Variants in NR2F1-AS1 observed in about 807,000 individuals in gnomAD.
NR2F1-AS1 encodes the protein NR2F1 regulatory antisense RNA 1.
intron 4 of NR2F1-AS1, among the ~76,000 whole-genome samples, chr5:93,412,038 T>C (rs764485262): frequency 2.6e-5 from 4 of 152,138 alleles, no homozygotes; most frequent in Non-Finnish European, 4.4e-5. Flanking sequence ...CATGAAAACT[T>C]CAAACATCAG....
At chr5:93,532,341 T>G (rs1751752477) in intron 4 of NR2F1-AS1, among the ~76,000 whole-genome samples, 1 of 152,192 alleles carries the variant, frequency 6.6e-6, no homozygotes, top group South Asian at 2.1e-4. Context: ...TTGCTTCTTT[T>G]GTACACTTAG....
intron 3 of NR2F1-AS1, among the ~76,000 whole-genome samples, chr5:93,554,518 G>A (rs1271950059): frequency 6.6e-6 from 1 of 152,008 alleles, no homozygotes; most frequent in Non-Finnish European, 1.5e-5. Context: ...AAATATTACT[G>A]GAAGACATTG....
At chr5:93,513,846 T>G (rs1184999123) in intron 4 of NR2F1-AS1, among the ~76,000 whole-genome samples, 1 of 152,092 alleles carries the variant, frequency 6.6e-6, no homozygotes, top group Non-Finnish European at 1.5e-5. Flanking sequence ...TGGAATTAAT[T>G]AGCTTCCCAA....
At chr5:93,534,645 A>G (rs1377386215) in intron 4 of NR2F1-AS1, among the ~76,000 whole-genome samples, 10 of 152,190 alleles carry the variant, frequency 6.6e-5, no homozygotes, top group Admixed American at 6.5e-4. Flanking sequence ...TAATGAGAAA[A>G]AAGAGGTAGG....
intron 4 of NR2F1-AS1, among the ~76,000 whole-genome samples, chr5:93,455,643 A>G (rs1437202767): frequency 6.6e-6 from 1 of 152,156 alleles, no homozygotes; most frequent in Non-Finnish European, 1.5e-5. Context: ...ATTAGAAGAA[A>G]GTTGGAGAGT....
At chr5:93,417,278 A>C (rs1368284290) in intron 4 of NR2F1-AS1, among the ~76,000 whole-genome samples, 1 of 152,218 alleles carries the variant, frequency 6.6e-6, no homozygotes, top group East Asian at 1.9e-4. Flanking sequence ...AAATTTAGTG[A>C]GGTCCATGTT....
At chr5:93,567,996 T>C (rs1162400681) in intron 1 of NR2F1-AS1, among the ~76,000 whole-genome samples, 1 of 152,214 alleles carries the variant, frequency 6.6e-6, no homozygotes, top group African/African-American at 2.4e-5. Context: ...AGAAACTAAG[T>C]GTAAATTTAC....
rs1174747297 is a variant in NR2F1-AS1, at chr5:93,484,670, A to C, written n.638+69091T>G. Among the ~76,000 whole-genome samples, 5 of 152,004 alleles carry C rather than the reference A, an allele frequency of 3.3e-5. No individual in the cohort carries two copies. In the East Asian group the frequency reaches 9.7e-4, roughly 29 times the overall value. Reference sequence around the variant, plus strand: ...ACACAGACTGGCAAATTGGATAAAGAGTCAAGACCCATCAATGTGCTGTAT... The same window carrying C: ...ACACAGACTGGCAAATTGGATAAAGCGTCAAGACCCATCAATGTGCTGTAT... On this transcript the variant is annotated intron_variant and non_coding_transcript_variant, in intron 4 of 5. Coordinates refer to ENST00000660523, the Ensembl canonical transcript of NR2F1-AS1.
At chr5:93,459,415 T>G (rs1462839357) in intron 4 of NR2F1-AS1, among the ~76,000 whole-genome samples, 3 of 152,062 alleles carry the variant, frequency 2.0e-5, no homozygotes, top group African/African-American at 7.2e-5. Flanking sequence ...AGACTACAAT[T>G]AAAATATTAA....
At chr5:93,562,726 G>A (rs923297623) in intron 2 of NR2F1-AS1, among the ~76,000 whole-genome samples, 7 of 152,054 alleles carry the variant, frequency 4.6e-5, no homozygotes, top group East Asian at 3.8e-4. Flanking sequence ...AATATAATCC[G>A]TTAAATTATT....
intron 4 of NR2F1-AS1, among the ~76,000 whole-genome samples, chr5:93,463,462 G>T (rs1297740097): frequency 6.6e-6 from 1 of 152,214 alleles, no homozygotes; most frequent in Non-Finnish European, 1.5e-5. Context: ...GGAAATGTGG[G>T]GTTGAAGCCC....
chr5:93,506,697 T>C (rs1751192227), intron 4 of NR2F1-AS1, among the ~76,000 whole-genome samples: 1 of 152,142 alleles, frequency 6.6e-6, no homozygotes, highest in East Asian at 1.9e-4. Context: ...ATCATGATAA[T>C]AGCATGGGAA....
intron 4 of NR2F1-AS1, among the ~76,000 whole-genome samples, chr5:93,514,728 T>G (rs1237596837): frequency 6.6e-6 from 1 of 152,044 alleles, no homozygotes; most frequent in African/African-American, 2.4e-5. Context: ...TAATTAGGAA[T>G]CAAAAAGGCT....
intron 4 of NR2F1-AS1, among the ~76,000 whole-genome samples, chr5:93,535,371 G>A (rs1481493627): frequency 6.6e-6 from 1 of 151,412 alleles, no homozygotes; most frequent in Non-Finnish European, 1.5e-5. Context: ...AAATTTAAAA[G>A]GGAAAATTAA....
At chr5:93,434,027 CT>C in intron 4 of NR2F1-AS1, among the ~76,000 whole-genome samples, 1 of 152,012 alleles carries the variant, frequency 6.6e-6, no homozygotes, top group Non-Finnish European at 1.5e-5. Context: ...CCCATATGCT[CT>C]TTTTTTAGCG....
At chr5:93,417,942 C>G (rs1477218533) in intron 4 of NR2F1-AS1, among the ~76,000 whole-genome samples, 1 of 152,118 alleles carries the variant, frequency 6.6e-6, no homozygotes, top group East Asian at 1.9e-4. Context: ...GAGGGGGCCA[C>G]CTGGAGCACT....
At chr5:93,419,457 G>A (rs1456831401) in intron 4 of NR2F1-AS1, among the ~76,000 whole-genome samples, 2 of 152,166 alleles carry the variant, frequency 1.3e-5, no homozygotes, top group African/African-American at 4.8e-5. Flanking sequence ...TACTTAGGAG[G>A]CTAAGTCAAG....
At chr5:93,533,963 AT>A (rs1200455935) in intron 4 of NR2F1-AS1, among the ~76,000 whole-genome samples, 2 of 152,082 alleles carry the variant, frequency 1.3e-5, no homozygotes, top group Non-Finnish European at 2.9e-5. Context: ...ACTGTCTGAA[AT>A]CCCAGCTACT....
chr5:93,439,724 C>A (rs1046428131), intron 4 of NR2F1-AS1, among the ~76,000 whole-genome samples: 1 of 152,182 alleles, frequency 6.6e-6, no homozygotes, highest in African/African-American at 2.4e-5. Context: ...CTGCCTTGAA[C>A]AGATTTTCTT....
Sources: allele counts gnomAD v4.1 joint callset (sites outside exome capture counted in the v4.1 genomes callset), GRCh38; gene constraint gnomAD v4.1.1; transcripts MANE v1.5; gene names NCBI Gene and HGNC (gene_info 2026-07-23, HGNC 2026-07-21).